Variants in FNDC3A observed in about 807,000 individuals in gnomAD.
FNDC3A encodes the protein fibronectin type III domain containing 3A, also known as fibronectin type-III domain-containing protein 3A.
FNDC3A carries 32 observed loss-of-function variants against 148.9 expected under a neutral mutation model. The observed-to-expected ratio is 0.21, with a 90% CI of 0.16 to 0.29. The LOEUF is 0.29. Ranked by LOEUF, FNDC3A falls within the 10% of genes least tolerant of loss-of-function variation. The probability of loss-of-function intolerance (pLI) is 1.00; values close to 1 mark genes in which losing one functional copy is unlikely to be tolerated. For synonymous variants in FNDC3A, 472 were observed against 473.6 expected (o/e 1.00, Z 0.04); for missense variants, 1,191 against 1,452.8 (o/e 0.82, Z 2.93).
At chr13:49,138,710 C>CT (rs747267376) in intron 6 of FNDC3A, 37 bp from the exon 7 acceptor site, 64 of 1,075,492 alleles carry the variant, frequency 6.0e-5, no homozygotes, top group Non-Finnish European at 6.5e-5. Flanking sequence ...TATCTAAGTT[C>CT]TTTTTTTTAA....
intron 1 of FNDC3A, among the ~76,000 whole-genome samples, chr13:49,002,432 T>G (rs1952143124): frequency 6.6e-6 from 1 of 152,208 alleles, no homozygotes; most frequent in Non-Finnish European, 1.5e-5. Context: ...TGTGGTACCT[T>G]TAACTTTTAA....
At chr13:49,174,158 A>G (rs1450920592) in intron 11 of FNDC3A, among the ~76,000 whole-genome samples, 2 of 152,158 alleles carry the variant, frequency 1.3e-5, no homozygotes, top group Non-Finnish European at 2.9e-5. Flanking sequence ...TAGGGTCCAT[A>G]CCTGCAGAGT....
At position 49,075,381 on chromosome 13, in the gene FNDC3A, A is replaced by G. The variant is rs780352529; in HGVS notation, c.175+17A>G. The G allele has an allele frequency of 2.0e-6, 3 of 1,478,196 alleles. No individual in the cohort carries two copies. Among genetic ancestry groups the G allele is most frequent in the Non-Finnish European group, 2.8e-6 (3 of 1,059,806 alleles). The allele number at this position is 1,478,196 out of a possible 1,614,324, so 91.6% of individuals were successfully genotyped here. A position where few individuals can be genotyped will look rare whatever the true frequency, so the allele number is the denominator to read the frequency against. ...GCATTACAGGTAAGAATGGTAATTG[A>G]GAATAATCATTTGAGACCAAATAAA... On this transcript the variant is annotated intron_variant, in intron 3 of 25. Coordinates refer to ENST00000492622, the MANE Select transcript of FNDC3A (RefSeq NM_001079673.2).
Position 49,174,576 on chromosome 13 carries a change from A to G in FNDC3A, c.1355+17A>G. ...TGGTACAAGGTAAGGTGTACTTTAT[A>G]AAAGAATGTAAATATTTTTAGATTA... On this transcript the variant is annotated intron_variant, in intron 12 of 25. Transcript: ENST00000492622. The G allele has an allele frequency of 6.3e-7, 1 of 1,581,162 alleles. No individual in the cohort carries two copies. Among genetic ancestry groups the G allele is most frequent in the Non-Finnish European group, 8.6e-7 (1 of 1,161,530 alleles).
At chr13:49,080,104 T>G (rs4142065) in intron 3 of FNDC3A, among the ~76,000 whole-genome samples, 93,222 of 151,980 alleles carry the variant, frequency 0.61, 29,387 homozygotes, top group Non-Finnish European at 0.68. Flanking sequence ...GCCCAATATT[T>G]GTTTCAAAAA....
intron 4 of FNDC3A, among the ~76,000 whole-genome samples, chr13:49,123,472 G>T (rs1418056814): frequency 6.6e-6 from 1 of 152,002 alleles, no homozygotes; most frequent in African/African-American, 2.4e-5. Flanking sequence ...AAAAGCTATG[G>T]CAACAAAAGC....
Position 49,191,267 on chromosome 13 carries a change from T to C in FNDC3A, c.2109T>C (p.Pro703=). ...PISCYSVEMS[P]IEKDEPREVY... The stretch of plus-strand genomic sequence containing the variant: ...CCTGTTACAGTGTGGAAATGTCTCC[T>C]ATAGAAAAAGATGAACCTAGAGAAG... The change falls in exon 19 of 26, where the codon CCT becomes CCC. Residue 703 remains proline, a synonymous_variant. Transcript: ENST00000492622. 1 of 1,613,358 alleles carries C rather than the reference T, an allele frequency of 6.2e-7. No individual in the cohort carries two copies. Among genetic ancestry groups the C allele is most frequent in the Non-Finnish European group, 8.5e-7 (1 of 1,179,776 alleles).
intron 2 of FNDC3A, among the ~76,000 whole-genome samples, chr13:49,032,014 G>A (rs79212148): frequency 2.5e-3 from 376 of 152,316 alleles, no homozygotes; most frequent in Middle Eastern, 0.01. Flanking sequence ...AAGAAGTTAT[G>A]TACATGTACT....
At chr13:49,073,715 GTATATATAATATATATGTA>G (rs1877871763) in intron 2 of FNDC3A, among the ~76,000 whole-genome samples, 2 of 141,990 alleles carry the variant, frequency 1.4e-5, no homozygotes, top group East Asian at 2.0e-4. Flanking sequence ...ATATATATGT[GTATATATAATATATATGTA>G]TATATAATAT....
At chr13:49,178,706 G>A (rs953121076) in intron 14 of FNDC3A, 52 bp downstream of exon 14, 2 of 977,798 alleles carry the variant, frequency 2.0e-6, no homozygotes, top group South Asian at 1.6e-5. Context: ...ATTCTTACTG[G>A]TGTGGTGGGG....
chr13:48,990,595 A>AAAAG (rs1951896849), intron 1 of FNDC3A, among the ~76,000 whole-genome samples: 1 of 148,862 alleles, frequency 6.7e-6, no homozygotes, highest in Non-Finnish European at 1.5e-5. Context: ...CTCCAAAAAA[A>AAAAG]AAAAAAAAAA....
intron 10 of FNDC3A, among the ~76,000 whole-genome samples, chr13:49,171,660 T>C (rs1253768648): frequency 2.0e-5 from 3 of 152,172 alleles, no homozygotes; most frequent in African/African-American, 7.2e-5. Context: ...TCTTTGGTAT[T>C]TTATACAATA....
At chr13:49,004,715 A>C (rs893972056) in intron 1 of FNDC3A, among the ~76,000 whole-genome samples, 1 of 151,976 alleles carries the variant, frequency 6.6e-6, no homozygotes, top group Non-Finnish European at 1.5e-5. Flanking sequence ...GAATATTGCA[A>C]ATAGAATAAA....
chr13:49,130,779 T>A (rs996816278), intron 4 of FNDC3A, among the ~76,000 whole-genome samples: 1 of 152,196 alleles, frequency 6.6e-6, no homozygotes, highest in Non-Finnish European at 1.5e-5. Context: ...TTATTTTATT[T>A]TATTTTTGAG....
At chr13:49,093,230 A>G (rs1465640214) in intron 3 of FNDC3A, among the ~76,000 whole-genome samples, 1 of 152,148 alleles carries the variant, frequency 6.6e-6, no homozygotes, top group African/African-American at 2.4e-5. Flanking sequence ...AGCACTTACA[A>G]CTGCCCCATA....
chr13:49,166,164 G>T (rs1317183851), intron 8 of FNDC3A, among the ~76,000 whole-genome samples: 1 of 152,246 alleles, frequency 6.6e-6, no homozygotes, highest in African/African-American at 2.4e-5. Context: ...GCTTTCAGTG[G>T]CAACAGCTAT....
At chr13:49,036,038 T>C (rs1224054781) in intron 2 of FNDC3A, among the ~76,000 whole-genome samples, 1 of 152,150 alleles carries the variant, frequency 6.6e-6, no homozygotes, top group Admixed American at 6.5e-5. Flanking sequence ...AAAGTTCATA[T>C]GATCAAGTTA....
intron 1 of FNDC3A, among the ~76,000 whole-genome samples, chr13:49,001,477 ACT>A (rs1483823809): frequency 6.6e-6 from 1 of 152,086 alleles, no homozygotes; most frequent in Non-Finnish European, 1.5e-5. Flanking sequence ...ATAACCTTAA[ACT>A]CTGACTGCCA....
chr13:49,016,347 G>A (rs1259299797), intron 2 of FNDC3A, among the ~76,000 whole-genome samples: 1 of 151,968 alleles, frequency 6.6e-6, no homozygotes, highest in Admixed American at 6.5e-5. Flanking sequence ...TGTATGTGTC[G>A]AGGAATGTAT....
Sources: gnomAD v4.1 joint callset for allele counts (sites outside exome capture counted in the v4.1 genomes callset) on GRCh38, gnomAD v4.1.1 for gene constraint, MANE v1.5 for transcripts, NCBI Gene and HGNC (gene_info 2026-07-23, HGNC 2026-07-21) for gene names.